Variants in SLC16A8 observed in about 807,000 individuals in gnomAD.
The protein encoded by SLC16A8 is solute carrier family 16 member 8.
A neutral mutation model predicts 22.4 loss-of-function variants in SLC16A8; 20 were observed. The observed-to-expected ratio is 0.89, with a 90% confidence interval of 0.63 to 1.30. The LOEUF is 1.30. Among genes scored for constraint, SLC16A8 ranks in the 50% most tolerant of loss-of-function variants. The pLI, the probability that SLC16A8 is intolerant of heterozygous loss-of-function variation, is 0.00. For missense variants in SLC16A8, 817 were observed against 740.3 expected, an observed-to-expected ratio of 1.10 and a Z score of -1.20; for synonymous variants, 393 against 358.8, an observed-to-expected ratio of 1.10 and a Z score of -1.08.
chr22:38,079,741 C>A (rs890707271), intron 5 of SLC16A8, among the ~76,000 whole-genome samples: 11 of 152,220 alleles, frequency 7.2e-5, no homozygotes, highest in African/African-American at 2.7e-4. Context: ...GTATTTCCCC[C>A]TAAAGTGTGG....
rs775322586 is a variant in SLC16A8 at position 38,082,787 on chromosome 22, G to C, written c.87C>G (p.Thr29=). ...CTTTGGGGAAGCCGTAGGCGAAGCCGGTGACCACAAAGCAGGCGCCCAGCA... is the reference window on the plus strand; with the variant it reads ...CTTTGGGGAAGCCGTAGGCGAAGCCCGTGACCACAAAGCAGGCGCCCAGCA... ...WVVLGACFVV[T]GFAYGFPKAV... is the part of the protein sequence containing the mutation. The change falls in exon 3 of 6, where the codon ACC becomes ACG. Residue 29 remains threonine (T), a synonymous_variant. Coordinates refer to ENST00000681075, the MANE Select transcript of SLC16A8 (RefSeq NM_013356.3). The C allele has an allele frequency of 4.4e-6, 7 of 1,596,496 alleles. No individual in the cohort carries two copies. Among genetic ancestry groups the C allele is most frequent in the Non-Finnish European group, 6.0e-6 (7 of 1,174,886 alleles).
At chr22:38,080,772 A>C (rs955926736) in intron 5 of SLC16A8, 68 bp downstream of exon 5, 1 of 1,427,570 alleles carries the variant, frequency 7.0e-7, no homozygotes, top group African/African-American at 1.5e-5. Flanking sequence ...CATCTGAGAC[A>C]GGGGGATGGA....
chr22:38,081,622 T>C lies in SLC16A8; in HGVS notation c.416A>G (p.Glu139Gly), dbSNP rs1475201739. 1.3e-6 allele frequency: 2 copies of C among 1,521,832 alleles called. No homozygotes were observed. The highest frequency in any genetic ancestry group is 5.2e-5 in the East Asian group (2 of 38,244). 94.3% of individuals were successfully genotyped at this position (1,521,832 alleles called of 1,614,324 possible). Residue 139 changes from glutamate to glycine, a missense_variant, in exon 5 of 6, where the codon GAG becomes GGG. By Grantham distance (98) the Glu-to-Gly change is moderately conservative. Coordinates refer to ENST00000681075, the MANE Select transcript of SLC16A8 (RefSeq NM_013356.3). ...PSLIMLGLYFERRRPLANGLA... is the reference protein window; with the variant it reads ...PSLIMLGLYFGRRRPLANGLA... Reference sequence around the variant, plus strand: ...CCCGTTGGCCAGAGGCCGCCGCCGCTCGAAGTACAGCCCCAGCATGATGAG... The same window carrying C: ...CCCGTTGGCCAGAGGCCGCCGCCGCCCGAAGTACAGCCCCAGCATGATGAG...
chr22:38,081,839 A>T (rs1278806144), intron 4 of SLC16A8, 50 bp downstream of exon 4: 1 of 1,549,834 alleles, frequency 6.5e-7, no homozygotes, highest in East Asian at 2.4e-5. Context: ...ATCTTGCAGC[A>T]AGAACCCCCG....
intron 5 of SLC16A8, 23 bp downstream of exon 5, chr22:38,080,817 C>A: frequency 1.4e-6 from 2 of 1,468,448 alleles, no homozygotes; most frequent in South Asian, 2.8e-5. Flanking sequence ...AGGCTCGCCA[C>A]CCCCTCTTCC....
chr22:38,081,830 T>A (rs2085922761), intron 4 of SLC16A8, 59 bp downstream of exon 4: 10 of 1,537,010 alleles, frequency 6.5e-6, no homozygotes, highest in Non-Finnish European at 7.9e-6. Flanking sequence ...CGAGGACAGA[T>A]CTTGCAGCAA....
Position 38,078,540 on chromosome 22 carries a change from C to T in SLC16A8, c.1363G>A (p.Glu455Lys). 6.2e-7 allele frequency: 1 copy of T among 1,614,214 alleles called. No homozygotes were observed. The highest frequency in any genetic ancestry group is 8.5e-7 in the Non-Finnish European group (1 of 1,180,046). The change falls in exon 6 of 6, where the codon GAG becomes AAG. Residue 455 changes from glutamate (E) to lysine (K), a missense_variant. Glu to Lys is a moderately conservative substitution (Grantham distance 56). Transcript: ENST00000681075. ...GAGTCCCCTTCAGCCTCAGCGTCCTCAGTGTCACTGGCTCCGCCCTCAGTG... is the reference window on the plus strand; with the variant it reads ...GAGTCCCCTTCAGCCTCAGCGTCCTTAGTGTCACTGGCTCCGCCCTCAGTG... Reference protein sequence around the residue: ...PGTEGGASDTEDAEAEGDSEP... With the variant: ...PGTEGGASDTKDAEAEGDSEP...
Position 38,078,468 on chromosome 22 carries a change from G to C in SLC16A8, c.1435C>G (p.Leu479Val). 2 of 1,613,796 alleles carry C rather than the reference G, an allele frequency of 1.2e-6. No homozygotes were observed. The highest frequency in any genetic ancestry group is 1.7e-6 in the Non-Finnish European group (2 of 1,180,032). ...VAEEPGNLEA[L>V]EVLSARGEPT... is the part of the protein sequence containing the mutation. ...TCGCCCCGGGCGCTGAGCACCTCCAGGGCCTCCAGGTTGCCGGGTTCCTCT... is the reference window on the plus strand; with the variant it reads ...TCGCCCCGGGCGCTGAGCACCTCCACGGCCTCCAGGTTGCCGGGTTCCTCT... The change falls in exon 6 of 6, where the codon CTG (leucine) becomes GTG (valine). Residue 479 changes from leucine to valine, a missense_variant. Coordinates refer to ENST00000681075, the MANE Select transcript of SLC16A8 (RefSeq NM_013356.3).
Position 38,081,510 on chromosome 22 carries a change from G to A in SLC16A8, c.528C>T (p.Gly176=). 1 of 1,416,314 alleles carries A rather than the reference G, an allele frequency of 7.1e-7. No individual in the cohort carries two copies. The highest frequency in any genetic ancestry group is 9.1e-7 in the Non-Finnish European group (1 of 1,098,448). 87.7% of individuals were successfully genotyped at this position (1,416,314 alleles called of 1,614,324 possible). A position where few individuals can be genotyped will look rare whatever the true frequency, so the allele number is the denominator to read the frequency against. The part of the protein sequence containing the change: ...QLLERFGWRG[G]FLLLGGLLLH... ...GCAGGAGCCCGCCGAGCAGCAGGAA[G>A]CCGCCGCGCCAGCCGAAGCGCTCCA... Residue 176 remains glycine, a synonymous_variant, in exon 5 of 6, where the codon GGC becomes GGT. Transcript: ENST00000681075.
Position 38,081,207 on chromosome 22 carries a change from G to C in SLC16A8, c.831C>G (p.Tyr277Ter). ...TGTCGGGCACGCCCGCGTCCTTGGC[G>C]TAGTTCACCAGCAGGATGGCGGGGA... ...LFVPAILLVN[Y>*]AKDAGVPDTD... The change falls in exon 5 of 6, where the codon TAC becomes TAG. Residue 277 changes from tyrosine (Y) to a stop codon, truncating the protein, a stop_gained. Coordinates refer to ENST00000681075, the MANE Select transcript of SLC16A8 (RefSeq NM_013356.3). LOFTEE classifies it high-confidence loss of function. The C allele has an allele frequency of 6.4e-7, 1 of 1,569,946 alleles. No homozygotes were observed. The highest frequency in any genetic ancestry group is 1.2e-5 in the South Asian group (1 of 85,566).
At position 38,082,890 on chromosome 22, in the gene SLC16A8, A is replaced by AG. The variant is rs753874773; in HGVS notation, c.-8-10dup. 274 of 1,464,436 alleles carry AG rather than the reference A, an allele frequency of 1.9e-4. No individual in the cohort carries two copies. In the African/African-American group the frequency reaches 3.6e-3, roughly 19 times the overall value. The allele number at this position is 1,464,436 out of a possible 1,614,324, so 90.7% of individuals were successfully genotyped here. A position where few individuals can be genotyped will look rare whatever the true frequency, so the allele number is the denominator to read the frequency against. ...AGCGCCCATCGCTGCCTCTGTTGGG[A>AG]GGGGGCGGGGACAAGAGGGAGGGGC... On this transcript the variant is annotated splice_polypyrimidine_tract_variant and intron_variant, in intron 2 of 5. Transcript: ENST00000681075.
At chr22:38,082,132 G>T in intron 3 of SLC16A8, 100 bp from the exon 4 acceptor site, 1 of 1,360,220 alleles carries the variant, frequency 7.4e-7, no homozygotes. Context: ...GGAGGGCAGT[G>T]TCTGGCCAAG....
chr22:38,083,693 GC>G (rs1044437779), intron 1 of SLC16A8, among the ~76,000 whole-genome samples: 3 of 136,818 alleles, frequency 2.2e-5, no homozygotes, highest in Non-Finnish European at 4.8e-5. Context: ...CATTCCTGGG[GC>G]TCCACCCGGG....
chr22:38,081,481 TGCAGCAGGAGCCCGCCGA>T lies in SLC16A8; in HGVS notation c.539_556del (p.Leu180_Leu185del), dbSNP rs1026452789. 2.2e-6 allele frequency: 3 copies of T among 1,392,208 alleles called. No homozygotes were observed. The highest frequency in any genetic ancestry group is 3.0e-5 in the East Asian group (1 of 33,202). The allele number at this position is 1,392,208 out of a possible 1,614,324, so 86.2% of individuals were successfully genotyped here. On this transcript the variant is annotated inframe_deletion, in exon 5 of 6. Coordinates refer to ENST00000681075, the MANE Select transcript of SLC16A8 (RefSeq NM_013356.3). ...CATGACAGCCCCGCAGGCGCAGCAG[TGCAGCAGGAGCCCGCCGA>T]GCAGCAGGAAGCCGCCGCGCCAGCC...
rs751515213 is a variant in SLC16A8, at chr22:38,081,971, C to A, written c.276G>T (p.Gly92=). 7.7e-6 allele frequency: 12 copies of A among 1,564,274 alleles called. No individual in the cohort carries two copies. The highest frequency in any genetic ancestry group is 1.9e-5 in the Admixed American group (1 of 52,784). ...GGATCATGCCCGCGGAAGCCAGCAGCCCACCCGCCAGCATCACCGGGCGAC... is the reference window on the plus strand; with the variant it reads ...GGATCATGCCCGCGGAAGCCAGCAGACCACCCGCCAGCATCACCGGGCGAC... The part of the protein sequence containing the change: ...FGCRPVMLAG[G]LLASAGMILA... Residue 92 remains glycine, a synonymous_variant, in exon 4 of 6, where the codon GGG becomes GGT. Coordinates refer to ENST00000681075, the MANE Select transcript of SLC16A8 (RefSeq NM_013356.3).
intron 3 of SLC16A8, 147 bp downstream of exon 3, chr22:38,082,513 C>T (rs1308463851): frequency 1.4e-6 from 1 of 724,494 alleles, no homozygotes; most frequent in African/African-American, 1.8e-5. Flanking sequence ...CCTCTCTTCC[C>T]CTCTTTCTGG....
Position 38,078,246 on chromosome 22 carries a change from C to T in SLC16A8, c.*142G>A, listed in dbSNP as rs1419421682. 4 of 790,944 alleles carry T rather than the reference C, an allele frequency of 5.1e-6. No individual in the cohort carries two copies. Among genetic ancestry groups the T allele is most frequent in the Non-Finnish European group, 8.1e-6 (4 of 493,624 alleles). The allele number at this position is 790,944 out of a possible 1,614,324, so 49.0% of individuals were successfully genotyped here. ...GGGCACAGATGAGGGAGGCAGTTCCCAGACACCCAGGGGATCAACTGGAGC... is the reference window on the plus strand; with the variant it reads ...GGGCACAGATGAGGGAGGCAGTTCCTAGACACCCAGGGGATCAACTGGAGC... On this transcript the variant is annotated 3_prime_UTR_variant, in exon 6 of 6. Coordinates refer to ENST00000681075, the MANE Select transcript of SLC16A8 (RefSeq NM_013356.3).
chr22:38,082,622 G>C, intron 3 of SLC16A8, 38 bp downstream of exon 3: 2 of 1,500,590 alleles, frequency 1.3e-6, no homozygotes, highest in East Asian at 2.5e-5. Flanking sequence ...GGATCCCAGG[G>C]GTCCCGGGGA....
chr22:38,081,719 C>G, intron 4 of SLC16A8, 40 bp from the exon 5 acceptor site: 1 of 1,467,176 alleles, frequency 6.8e-7, no homozygotes, highest in Non-Finnish European at 9.0e-7. Flanking sequence ...CCCCGGAGAG[C>G]CCCTCCCTGG....
Sources: gnomAD v4.1 joint callset for allele counts (sites outside exome capture counted in the v4.1 genomes callset) on GRCh38, gnomAD v4.1.1 for gene constraint, MANE v1.5 for transcripts, NCBI Gene and HGNC (gene_info 2026-07-23, HGNC 2026-07-21) for gene names.